Variants in THSD7A observed in about 807,000 individuals in gnomAD.
THSD7A encodes the protein thrombospondin type-1 domain-containing protein 7A.
THSD7A carries 96 observed loss-of-function variants against 231.3 expected under a neutral mutation model. The ratio of observed to expected loss-of-function variants is 0.41; its 90% CI spans 0.35 to 0.49. THSD7A has a LOEUF of 0.49. THSD7A is among the 20% of genes least tolerant of loss of function. THSD7A has a pLI of 0.05. For missense variants in THSD7A, 2,290 were observed against 2,070.2 expected (o/e 1.11, Z -2.06); for synonymous variants, 940 against 743.3 (o/e 1.26, Z -4.30).
chr7:11,610,379 C>T (rs1780882890), intron 2 of THSD7A, among the ~76,000 whole-genome samples: 1 of 152,014 alleles, frequency 6.6e-6, no homozygotes, highest in Non-Finnish European at 1.5e-5. Context: ...ATTTGATAAG[C>T]ATGATGTAGA....
intron 27 of THSD7A, 128 bp from the exon 28 acceptor site, chr7:11,376,006 G>GTCTA (rs1227357008): frequency 1.3e-6 from 1 of 746,806 alleles, no homozygotes; most frequent in African/African-American, 1.8e-5. Flanking sequence ...GTTGCCTAAA[G>GTCTA]TCTATCTACC....
At chr7:11,658,400 G>A (rs189567655) in intron 1 of THSD7A, among the ~76,000 whole-genome samples, 1 of 151,834 alleles carries the variant, frequency 6.6e-6, no homozygotes, top group East Asian at 1.9e-4. Context: ...ATGACTGCAA[G>A]AAGTGATGGA....
At chr7:11,552,111 A>G (rs752721488) in intron 4 of THSD7A, among the ~76,000 whole-genome samples, 1 of 152,144 alleles carries the variant, frequency 6.6e-6, no homozygotes, top group Non-Finnish European at 1.5e-5. Context: ...GTGGAAGCTG[A>G]TAAACATGAA....
intron 1 of THSD7A, among the ~76,000 whole-genome samples, chr7:11,668,271 A>G (rs1783226896): frequency 6.6e-6 from 1 of 152,074 alleles, no homozygotes; most frequent in Non-Finnish European, 1.5e-5. Flanking sequence ...ACAAAAAATT[A>G]GCCTGGTCTA....
chr7:11,729,478 C>T (rs73296449), intron 1 of THSD7A, among the ~76,000 whole-genome samples: 2,044 of 151,790 alleles, frequency 0.013, 47 homozygotes, highest in African/African-American at 0.046. Context: ...CCAACTGCTA[C>T]AGGCTATTTT....
At chr7:11,434,471 A>G (rs1472199670) in intron 13 of THSD7A, among the ~76,000 whole-genome samples, 1 of 152,158 alleles carries the variant, frequency 6.6e-6, no homozygotes, top group Non-Finnish European at 1.5e-5. Flanking sequence ...GTGGAGATAA[A>G]GTAGATTTCA....
At chr7:11,560,307 C>T (rs1381142040) in intron 4 of THSD7A, among the ~76,000 whole-genome samples, 1 of 152,156 alleles carries the variant, frequency 6.6e-6, no homozygotes, top group African/African-American at 2.4e-5. Flanking sequence ...ACACTTTCAG[C>T]TAGGCCTGAT....
At chr7:11,770,121 T>A (rs1358682470) in intron 1 of THSD7A, among the ~76,000 whole-genome samples, 1 of 151,968 alleles carries the variant, frequency 6.6e-6, no homozygotes, top group Non-Finnish European at 1.5e-5. Context: ...CTTGAAAAAA[T>A]AACCAACTTT....
rs976086376 is a variant in THSD7A at position 11,446,812 on chromosome 7, A to C, written c.2800+418T>G. On this transcript the variant is annotated intron_variant, in intron 12 of 27. Transcript: ENST00000423059. The surrounding 1 kb of genome is among the most constrained non-coding windows in gnomAD (Gnocchi z 4.0). ...ATGCTGTTAGTCATTACTATGGTTT[A>C]AAATACAATTTTCAGATACAGAATT... Among the ~76,000 whole-genome samples the C allele has an allele frequency of 3.0e-4, 45 of 152,260 alleles. No homozygotes were observed. The highest frequency in any genetic ancestry group is 1.1e-3 in the African/African-American group (44 of 41,574).
chr7:11,417,385 C>G (rs1483890622), intron 17 of THSD7A, 65 bp downstream of exon 17: 2 of 1,399,480 alleles, frequency 1.4e-6, no homozygotes, highest in East Asian at 2.6e-5. Context: ...AAAATAATGT[C>G]TTTAAAGCTT....
chr7:11,731,393 T>C (rs1781727050), intron 1 of THSD7A, among the ~76,000 whole-genome samples: 1 of 151,622 alleles, frequency 6.6e-6, no homozygotes. Context: ...CTTATTAACT[T>C]GGAAGAGATT....
At chr7:11,391,864 C>G (rs538453057) in intron 23 of THSD7A, among the ~76,000 whole-genome samples, 67 of 152,162 alleles carry the variant, frequency 4.4e-4, no homozygotes, top group African/African-American at 1.6e-3. Flanking sequence ...TCCCTGACCC[C>G]TTGCGCTCCC....
chr7:11,823,434 G>A (rs1226838636), intron 1 of THSD7A, among the ~76,000 whole-genome samples: 1 of 151,852 alleles, frequency 6.6e-6, no homozygotes, highest in Non-Finnish European at 1.5e-5. Context: ...CTGGCTATTT[G>A]GGTTCTTTTT....
chr7:11,684,895 A>T (rs1779981373), intron 1 of THSD7A, among the ~76,000 whole-genome samples: 2 of 152,006 alleles, frequency 1.3e-5, no homozygotes, highest in African/African-American at 4.8e-5. Context: ...ATGAAACCAT[A>T]AAAAAGCCAA....
intron 6 of THSD7A, among the ~76,000 whole-genome samples, chr7:11,531,810 G>A (rs1219504803): frequency 6.6e-6 from 1 of 152,186 alleles, no homozygotes; most frequent in African/African-American, 2.4e-5. Context: ...TAGCTCTATA[G>A]CAGAGCGTTG....
chr7:11,534,729 G>A (rs1788844161), intron 6 of THSD7A, among the ~76,000 whole-genome samples: 1 of 152,138 alleles, frequency 6.6e-6, no homozygotes, highest in Non-Finnish European at 1.5e-5. Flanking sequence ...CAGAGAAGGT[G>A]GATATAAAGG....
At chr7:11,820,780 AGAG>A in intron 1 of THSD7A, 2 of 1,201,254 alleles carry the variant, frequency 1.7e-6, no homozygotes, top group Non-Finnish European at 2.5e-6. Flanking sequence ...ACCGGGAGGA[AGAG>A]GAGGAGGATC....
rs1786082776 is a variant in THSD7A, at chr7:11,474,657, A to T, written c.2018-89T>A. On this transcript the variant is annotated intron_variant, in intron 7 of 27. Transcript: ENST00000423059. This position sits in a 1 kb window ranked among gnomAD's most constrained non-coding sequence, Gnocchi z 4.1. ...TTCTTTGGAATTAACATGGCTTAGA[A>T]ATAAAAAGTGACTTTTCTTCCCCAC... 2.8e-6 allele frequency: 3 copies of T among 1,086,930 alleles called. No individual in the cohort carries two copies. Among genetic ancestry groups the T allele is most frequent in the Middle Eastern group, 2.1e-4 (1 of 4,794 alleles). The allele number at this position is 1,086,930 out of a possible 1,614,324, so 67.3% of individuals were successfully genotyped here. A position where few individuals can be genotyped will look rare whatever the true frequency, so the allele number is the denominator to read the frequency against.
chr7:11,680,711 G>C (rs930131537), intron 1 of THSD7A, among the ~76,000 whole-genome samples: 1 of 152,128 alleles, frequency 6.6e-6, no homozygotes, highest in Admixed American at 6.6e-5. Flanking sequence ...ACAGATGCTG[G>C]AGAGGATGTG....
Sources: gnomAD v4.1 joint callset for allele counts (sites outside exome capture counted in the v4.1 genomes callset) on GRCh38, gnomAD v4.1.1 for gene constraint, Gnocchi (gnomAD v3.1) non-coding constraint, MANE v1.5 for transcripts, NCBI Gene and HGNC (gene_info 2026-07-23, HGNC 2026-07-21) for gene names.